TTC21A: variants seen among roughly 807,000 people sequenced by gnomAD.
TTC21A encodes the protein tetratricopeptide repeat domain 21A, also known as tetratricopeptide repeat protein 21A.
A neutral mutation model predicts 156.4 loss-of-function variants in TTC21A; 128 were observed. The ratio of observed to expected loss-of-function variants is 0.82; its 90% CI spans 0.71 to 0.95. TTC21A has a LOEUF of 0.95. TTC21A is among the 40% of genes least tolerant of loss of function. TTC21A has a pLI of 0.00. For synonymous variants in TTC21A, 587 were observed against 617.1 expected, an observed-to-expected ratio of 0.95 and a Z score of 0.72; for missense variants, 1,435 against 1,602.3, an observed-to-expected ratio of 0.90 and a Z score of 1.78.
chr3:39,136,169 T>C lies in TTC21A; in HGVS notation c.2945-188T>C, dbSNP rs528155841. Reference sequence around the variant, plus strand: ...TATATAAGTGTTAGCTGCTATTCTTTACTATTTTTAAGCATTAGTATTATT... The same window carrying C: ...TATATAAGTGTTAGCTGCTATTCTTCACTATTTTTAAGCATTAGTATTATT... On this transcript the variant is annotated intron_variant, in intron 22 of 28. Transcript: ENST00000683103. The C allele has an allele frequency of 2.0e-5, 11 of 559,684 alleles. No individual in the cohort carries two copies. In the East Asian group the frequency reaches 3.2e-4, roughly 16 times the overall value. The allele number at this position is 559,684 out of a possible 1,614,324, so 34.7% of individuals were successfully genotyped here. A position where few individuals can be genotyped will look rare whatever the true frequency, so the allele number is the denominator to read the frequency against.
chr3:39,118,218 C>T, intron 7 of TTC21A, 65 bp downstream of exon 7: 1 of 1,507,920 alleles, frequency 6.6e-7, no homozygotes, highest in Non-Finnish European at 9.2e-7. Context: ...CCTTCATGAC[C>T]TGTGCACCTG....
rs751732982 is a variant in TTC21A, at chr3:39,125,164, A to G, written c.1191+4A>G. 4 of 1,609,810 alleles carry G rather than the reference A, an allele frequency of 2.5e-6. No individual in the cohort carries two copies. In the Admixed American group the frequency reaches 6.7e-5, roughly 27 times the overall value. Reference sequence around the variant, plus strand: ...GAAGTCCCTTGGGAAGTCTGAGGTCAGAGCTCCCTGGGGGTATGGGTTGCT... The same window carrying G: ...GAAGTCCCTTGGGAAGTCTGAGGTCGGAGCTCCCTGGGGGTATGGGTTGCT... On this transcript the variant is annotated splice_donor_region_variant and intron_variant, in intron 10 of 28. Coordinates refer to ENST00000683103, the MANE Select transcript of TTC21A (RefSeq NM_001366900.1).
chr3:39,120,857 C>T (rs1350826696), intron 8 of TTC21A, 140 bp from the exon 9 acceptor site: 3 of 673,174 alleles, frequency 4.5e-6, no homozygotes, highest in Non-Finnish European at 7.3e-6. Context: ...ACAGACCCAG[C>T]TGCCTAGACA....
intron 9 of TTC21A, 50 bp downstream of exon 9, chr3:39,121,239 G>A (rs368492109): frequency 1.6e-5 from 24 of 1,542,940 alleles, no homozygotes; most frequent in African/African-American, 6.8e-5. Flanking sequence ...GAGCCAAACC[G>A]GGCAGCTTCC....
Position 39,130,737 on chromosome 3 carries a change from G to A in TTC21A, c.2356G>A (p.Gly786Arg), listed in dbSNP as rs2038665485. The change falls in exon 18 of 29, where the codon GGA (glycine) becomes AGA (arginine). Residue 786 changes from glycine (G) to arginine (R), a missense_variant. By Grantham distance (125) the Gly-to-Arg change is moderately radical (BLOSUM62 -2). Transcript: ENST00000683103. This position sits in a 1 kb window ranked among gnomAD's most constrained non-coding sequence, Gnocchi z 4.5. ...TTATGAGGCTGCCCAGAAGATTAATGGACAGGACTTTCTGTGCTGCGATCT... is the reference window on the plus strand; with the variant it reads ...TTATGAGGCTGCCCAGAAGATTAATAGACAGGACTTTCTGTGCTGCGATCT... ...EYYEAAQKIN[G>R]QDFLCCDLGK... 1 of 1,614,204 alleles carries A rather than the reference G, an allele frequency of 6.2e-7. No homozygotes were observed. Among genetic ancestry groups the A allele is most frequent in the Non-Finnish European group, 8.5e-7 (1 of 1,180,028 alleles).
intron 21 of TTC21A, 61 bp from the exon 22 acceptor site, chr3:39,135,032 C>T (rs2039007788): frequency 2.7e-6 from 4 of 1,462,188 alleles, no homozygotes; most frequent in South Asian, 1.1e-5. Flanking sequence ...CCCCGCCTCC[C>T]CCTACACCCA....
At chr3:39,110,175 CA>C (rs2036685439) in intron 3 of TTC21A, 36 bp downstream of exon 3, 1 of 1,524,852 alleles carries the variant, frequency 6.6e-7, no homozygotes, top group African/African-American at 1.4e-5. Context: ...CCTGACCCAC[CA>C]GGGGAAGGAA....
At chr3:39,132,897 C>T in intron 19 of TTC21A, 155 bp from the exon 20 acceptor site, 1 of 713,864 alleles carries the variant, frequency 1.4e-6, no homozygotes. Flanking sequence ...TGTACTCAGC[C>T]AGTGGCTTTG....
chr3:39,108,778 C>G (rs1337595239), intron 1 of TTC21A, among the ~76,000 whole-genome samples: 1 of 152,166 alleles, frequency 6.6e-6, no homozygotes, highest in African/African-American at 2.4e-5. Flanking sequence ...ATTATTTGTC[C>G]TCATTTTTCC....
intron 27 of TTC21A, 57 bp downstream of exon 27, chr3:39,138,444 G>GC: frequency 6.2e-7 from 1 of 1,613,376 alleles, no homozygotes; most frequent in Non-Finnish European, 8.5e-7. Flanking sequence ...TGGGCAGGAG[G>GC]GCCCCCACCA....
At chr3:39,121,243 A>T in intron 9 of TTC21A, 54 bp downstream of exon 9, 1 of 1,521,262 alleles carries the variant, frequency 6.6e-7, no homozygotes, top group African/African-American at 1.4e-5. Flanking sequence ...CAAACCGGGC[A>T]GCTTCCATGG....
Position 39,134,484 on chromosome 3 carries a change from T to C in TTC21A, c.2862+156T>C. 1.4e-6 allele frequency: 1 copy of C among 706,378 alleles called. No individual in the cohort carries two copies. The highest frequency in any genetic ancestry group is 2.6e-6 in the Non-Finnish European group (1 of 384,014). 43.8% of individuals were successfully genotyped at this position (706,378 alleles called of 1,614,324 possible). On this transcript the variant is annotated intron_variant, in intron 21 of 28. Coordinates refer to ENST00000683103, the MANE Select transcript of TTC21A (RefSeq NM_001366900.1). This position sits in a 1 kb window ranked among gnomAD's most constrained non-coding sequence, Gnocchi z 4.6. ...GGCAGAGAGGACTCAGTGCTGCACC[T>C]ACTCTGCCCTTTAGCCGGAAGCGGT...
In TTC21A at chr3:39,125,124, C is replaced by T. The variant is rs2038110864; in HGVS notation, c.1155C>T (p.Phe385=). The part of the protein sequence containing the change: ...HLEEAEYRLE[F]LKEVQKSLGK... ...AGGAAGCTGAGTACCGGCTGGAATT[C>T]CTGAAGGAGGTGCAGAAGTCCCTTG... is the stretch of plus-strand genomic sequence containing the variant. The change falls in exon 10 of 29, where the codon TTC becomes TTT. Residue 385 remains phenylalanine, a synonymous_variant. Transcript: ENST00000683103. 2 of 1,613,890 alleles carry T rather than the reference C, an allele frequency of 1.2e-6. No individual in the cohort carries two copies. The highest frequency in any genetic ancestry group is 1.7e-6 in the Non-Finnish European group (2 of 1,179,970).
intron 5 of TTC21A, among the ~76,000 whole-genome samples, chr3:39,114,039 A>G (rs1309463690): frequency 6.6e-6 from 1 of 152,108 alleles, no homozygotes; most frequent in African/African-American, 2.4e-5. Flanking sequence ...TTGAGGAGAA[A>G]CTGGTGGCTG....
At chr3:39,137,411 G>T in intron 25 of TTC21A, 24 bp downstream of exon 25, 1 of 1,609,218 alleles carries the variant, frequency 6.2e-7, no homozygotes, top group Non-Finnish European at 8.5e-7. Flanking sequence ...GGACTGGCGG[G>T]CATGGGCAGG....
chr3:39,110,206 C>A, intron 3 of TTC21A, 67 bp downstream of exon 3: 1 of 1,237,302 alleles, frequency 8.1e-7, no homozygotes, highest in Non-Finnish European at 1.2e-6. Flanking sequence ...CCAGAGATAA[C>A]ACAGCCCCTC....
At position 39,128,418 on chromosome 3, in the gene TTC21A, T is replaced by C; in HGVS notation, c.1610T>C (p.Ile537Thr). 1 of 1,614,198 alleles carries C rather than the reference T, an allele frequency of 6.2e-7. No homozygotes were observed. Among genetic ancestry groups the C allele is most frequent in the Non-Finnish European group, 8.5e-7 (1 of 1,180,036 alleles). The stretch of plus-strand genomic sequence containing the variant: ...GATGCCCATCTCCTCATGTGTCAGA[T>C]CTACTTGGCTCAGGGCAACTTTGGC... ...SVDAHLLMCQ[I>T]YLAQGNFGMC... The change falls in exon 13 of 29, where the codon ATC (isoleucine) becomes ACC (threonine). Residue 537 changes from isoleucine to threonine, a missense_variant. Coordinates refer to ENST00000683103, the MANE Select transcript of TTC21A (RefSeq NM_001366900.1).
At chr3:39,123,826 A>G (rs905741124) in intron 9 of TTC21A, among the ~76,000 whole-genome samples, 1 of 152,092 alleles carries the variant, frequency 6.6e-6, no homozygotes, top group Non-Finnish European at 1.5e-5. Context: ...GGTTAATAAA[A>G]CATAAAGAGA....
intron 11 of TTC21A, 134 bp from the exon 12 acceptor site, chr3:39,126,127 A>T: frequency 1.8e-6 from 2 of 1,106,966 alleles, no homozygotes; most frequent in Non-Finnish European, 2.6e-6. Flanking sequence ...TCTAAGCACT[A>T]GGTGATACAG....
Sources: gnomAD v4.1 joint callset for allele counts (sites outside exome capture counted in the v4.1 genomes callset) on GRCh38, gnomAD v4.1.1 for gene constraint, Gnocchi (gnomAD v3.1) non-coding constraint, MANE v1.5 for transcripts, NCBI Gene and HGNC (gene_info 2026-07-23, HGNC 2026-07-21) for gene names.